KCTD8: variants seen among roughly 807,000 people sequenced by gnomAD.
KCTD8 encodes the protein potassium channel tetramerization domain containing 8.
Under a neutral mutation model 31.5 loss-of-function variants are expected in KCTD8, and 27 were observed. The observed-to-expected ratio is 0.86, with a 90% CI of 0.63 to 1.18. KCTD8 has a LOEUF of 1.18. KCTD8 is among the 50% of genes most tolerant of loss of function. The pLI is 0.00. For synonymous variants in KCTD8, 290 were observed against 280.0 expected (o/e 1.04, Z -0.36); for missense variants, 658 against 647.7 (o/e 1.02, Z -0.17).
At chr4:44,392,620 A>T (rs1720401456) in intron 1 of KCTD8, among the ~76,000 whole-genome samples, 1 of 152,016 alleles carries the variant, frequency 6.6e-6, no homozygotes. Context: ...CACTCATAAA[A>T]GTACCATAAA....
At chr4:44,252,235 T>C (rs189952902) in intron 1 of KCTD8, among the ~76,000 whole-genome samples, 1 of 151,886 alleles carries the variant, frequency 6.6e-6, no homozygotes, top group East Asian at 1.9e-4. Context: ...ATCCATTGTA[T>C]GCATATATCA....
rs569838233 is a variant in KCTD8 at position 44,268,592 on chromosome 4, G to C, written c.962-93342C>G. Among the ~76,000 whole-genome samples, 3 of 152,066 alleles carry C rather than the reference G, an allele frequency of 2.0e-5. No homozygotes were observed. The East Asian group carries it at 5.8e-4, about 29-fold the overall frequency. ...TAAAGGGTATTCAATTAGGAAAAGAGGAAGTCAAATTGTCCCTGTTTGCAG... is the reference window on the plus strand; with the variant it reads ...TAAAGGGTATTCAATTAGGAAAAGACGAAGTCAAATTGTCCCTGTTTGCAG... On this transcript the variant is annotated intron_variant, in intron 1 of 1. Transcript: ENST00000360029.
At chr4:44,180,141 T>C (rs1227916922) in intron 1 of KCTD8, among the ~76,000 whole-genome samples, 1 of 152,110 alleles carries the variant, frequency 6.6e-6, no homozygotes, top group Non-Finnish European at 1.5e-5. Context: ...CTGAAACATC[T>C]TCCTGAAAGC....
chr4:44,224,182 T>C (rs1426418086), intron 1 of KCTD8, among the ~76,000 whole-genome samples: 1 of 152,188 alleles, frequency 6.6e-6, no homozygotes, highest in Non-Finnish European at 1.5e-5. Flanking sequence ...GCTCACAATT[T>C]TGACAGATCC....
intron 1 of KCTD8, among the ~76,000 whole-genome samples, chr4:44,357,201 A>G (rs1445542442): frequency 1.3e-5 from 2 of 152,124 alleles, no homozygotes; most frequent in Non-Finnish European, 2.9e-5. Flanking sequence ...AAGATGAGAA[A>G]ATTAAGAAAC....
intron 1 of KCTD8, among the ~76,000 whole-genome samples, chr4:44,294,637 C>T (rs1429889042): frequency 6.6e-6 from 1 of 152,164 alleles, no homozygotes; most frequent in African/African-American, 2.4e-5. Context: ...TAAGGCTTCA[C>T]TTGGATTCTC....
At chr4:44,385,897 G>C (rs536398655) in intron 1 of KCTD8, among the ~76,000 whole-genome samples, 2 of 151,494 alleles carry the variant, frequency 1.3e-5, no homozygotes, top group Admixed American at 1.3e-4. Flanking sequence ...CACAGTACTT[G>C]AATAGACATT....
intron 1 of KCTD8, among the ~76,000 whole-genome samples, chr4:44,277,658 A>G (rs1577589682): frequency 6.6e-6 from 1 of 151,886 alleles, no homozygotes; most frequent in East Asian, 1.9e-4. Flanking sequence ...TTAATTAATA[A>G]TTAATTAGTA....
intron 1 of KCTD8, among the ~76,000 whole-genome samples, chr4:44,320,985 T>C (rs976433386): frequency 6.6e-6 from 1 of 152,206 alleles, no homozygotes; most frequent in East Asian, 1.9e-4. Context: ...AAAAATAGCA[T>C]TCCCAGGTGT....
At chr4:44,272,547 T>C (rs1037583464) in intron 1 of KCTD8, among the ~76,000 whole-genome samples, 2 of 152,056 alleles carry the variant, frequency 1.3e-5, no homozygotes, top group Non-Finnish European at 2.9e-5. Context: ...TTATAATCTA[T>C]TCAGGAAAAT....
intron 1 of KCTD8, among the ~76,000 whole-genome samples, chr4:44,268,883 A>G (rs1379570106): frequency 6.6e-6 from 1 of 152,144 alleles, no homozygotes; most frequent in Non-Finnish European, 1.5e-5. Context: ...GCTCAATGAA[A>G]TAAAAGAGGA....
intron 1 of KCTD8, among the ~76,000 whole-genome samples, chr4:44,320,170 CAAAAAA>C (rs35250421): frequency 6.0e-4 from 19 of 31,920 alleles, no homozygotes; most frequent in African/African-American, 2.4e-3. Context: ...GCCTCCATCT[CAAAAAA>C]AAAAAAAAAA....
At chr4:44,298,969 A>G (rs948492630) in intron 1 of KCTD8, among the ~76,000 whole-genome samples, 1 of 152,214 alleles carries the variant, frequency 6.6e-6, no homozygotes, top group African/African-American at 2.4e-5. Flanking sequence ...AAAAGTTCCA[A>G]GTTTTCAATG....
At chr4:44,356,796 AACAGTCC>A (rs564977323) in intron 1 of KCTD8, among the ~76,000 whole-genome samples, 24 of 152,252 alleles carry the variant, frequency 1.6e-4, no homozygotes, top group African/African-American at 5.8e-4. Context: ...AAATGAAAAG[AACAGTCC>A]ACTACAATTT....
chr4:44,239,818 G>A (rs1036887951), intron 1 of KCTD8, among the ~76,000 whole-genome samples: 1 of 152,096 alleles, frequency 6.6e-6, no homozygotes, highest in Non-Finnish European at 1.5e-5. Context: ...TGCAATGTGT[G>A]CCCAGTTCTT....
At chr4:44,298,044 C>A (rs35872281) in intron 1 of KCTD8, among the ~76,000 whole-genome samples, 2 of 152,056 alleles carry the variant, frequency 1.3e-5, no homozygotes, top group Non-Finnish European at 2.9e-5. Context: ...ATCTCTCTGT[C>A]GCTCACAAGA....
chr4:44,322,348 T>C (rs1718317868), intron 1 of KCTD8, among the ~76,000 whole-genome samples: 1 of 152,084 alleles, frequency 6.6e-6, no homozygotes, highest in South Asian at 2.1e-4. Context: ...TGGTGATTAA[T>C]GATGTTGAGC....
At chr4:44,246,410 C>G (rs1452129424) in intron 1 of KCTD8, among the ~76,000 whole-genome samples, 1 of 151,796 alleles carries the variant, frequency 6.6e-6, no homozygotes, top group Non-Finnish European at 1.5e-5. Flanking sequence ...GGTTTTTAAC[C>G]CACTGTTTTC....
chr4:44,313,394 T>C (rs1240713422), intron 1 of KCTD8, among the ~76,000 whole-genome samples: 1 of 152,162 alleles, frequency 6.6e-6, no homozygotes, highest in Non-Finnish European at 1.5e-5. Flanking sequence ...TGCCCTAAAG[T>C]AGGTGAATCA....
Sources: allele counts gnomAD v4.1 joint callset (sites outside exome capture counted in the v4.1 genomes callset), GRCh38; gene constraint gnomAD v4.1.1; transcripts MANE v1.5; gene names NCBI Gene and HGNC (gene_info 2026-07-23, HGNC 2026-07-21).